WDR7: variants seen among roughly 807,000 people sequenced by gnomAD.
WDR7 encodes WD repeat domain 7, also known as WD repeat-containing protein 7.
In WDR7, 46 loss-of-function variants were observed where a neutral mutation model predicts 169.4. That is an observed-to-expected ratio of 0.27 (90% confidence interval 0.21 to 0.35). WDR7 has a LOEUF of 0.35. WDR7 is among the 10% of genes least tolerant of loss of function. The pLI is 1.00. For missense variants in WDR7, 1,534 were observed against 1,859.3 expected (o/e 0.83, Z 3.22); for synonymous variants, 612 against 666.8 (o/e 0.92, Z 1.27).
chr18:56,835,402 C>T (rs1400288065), intron 20 of WDR7, among the ~76,000 whole-genome samples: 1 of 152,076 alleles, frequency 6.6e-6, no homozygotes, highest in East Asian at 1.9e-4. Flanking sequence ...AGTATTGTAC[C>T]TAACTTATAA....
intron 25 of WDR7, among the ~76,000 whole-genome samples, chr18:56,954,293 C>G (rs184774110): frequency 1.3e-5 from 2 of 152,294 alleles, no homozygotes; most frequent in Admixed American, 1.3e-4. Context: ...TATTAAAACA[C>G]TCATTCACTT....
At chr18:56,732,053 T>G (rs2026599335) in intron 14 of WDR7, among the ~76,000 whole-genome samples, 2 of 152,228 alleles carry the variant, frequency 1.3e-5, no homozygotes, top group African/African-American at 4.8e-5. Context: ...AGAAAATGTT[T>G]CAGAATACGT....
intron 26 of WDR7, among the ~76,000 whole-genome samples, chr18:56,971,142 G>A (rs958524330): frequency 6.6e-6 from 1 of 151,912 alleles, no homozygotes; most frequent in Non-Finnish European, 1.5e-5. Flanking sequence ...CATGGTGATA[G>A]GTGCCTGTAA....
chr18:56,994,732 C>G (rs916623899), intron 26 of WDR7, among the ~76,000 whole-genome samples: 6 of 152,170 alleles, frequency 3.9e-5, no homozygotes, highest in African/African-American at 1.4e-4. Flanking sequence ...CTGTAGTGAT[C>G]ATTATGGGAA....
chr18:57,019,499 C>T (rs943856719), intron 26 of WDR7, among the ~76,000 whole-genome samples: 3 of 152,092 alleles, frequency 2.0e-5, no homozygotes, highest in Admixed American at 6.6e-5. Context: ...TGCCCAGAGC[C>T]CAGTTCTATA....
At chr18:56,715,668 A>C (rs2026176300) in intron 12 of WDR7, among the ~76,000 whole-genome samples, 1 of 152,088 alleles carries the variant, frequency 6.6e-6, no homozygotes, top group Admixed American at 6.5e-5. Context: ...TCTATTAAAT[A>C]TTATAGATAT....
intron 27 of WDR7, among the ~76,000 whole-genome samples, chr18:57,022,388 A>G (rs7226903): frequency 0.33 from 50,656 of 152,056 alleles, 9,228 homozygotes; most frequent in East Asian, 0.81. Flanking sequence ...TCTGAGTGGT[A>G]GGTACTGGCC....
At chr18:56,765,998 C>T (rs2044060137) in intron 16 of WDR7, among the ~76,000 whole-genome samples, 1 of 148,326 alleles carries the variant, frequency 6.7e-6, no homozygotes, top group Non-Finnish European at 1.5e-5. Context: ...TTGAAAACAT[C>T]TTTGTTTGTC....
chr18:57,003,131 G>A (rs1356239331), intron 26 of WDR7, among the ~76,000 whole-genome samples: 1 of 152,140 alleles, frequency 6.6e-6, no homozygotes, highest in Non-Finnish European at 1.5e-5. Flanking sequence ...GCATTTGTGA[G>A]ATGCATTAGT....
At chr18:56,704,425 G>A (rs1216914630) in intron 12 of WDR7, among the ~76,000 whole-genome samples, 1 of 150,888 alleles carries the variant, frequency 6.6e-6, no homozygotes, top group Non-Finnish European at 1.5e-5. Context: ...TATAGTTCTA[G>A]CTACTTGGGA....
At chr18:56,970,674 A>G (rs2047471437) in intron 26 of WDR7, among the ~76,000 whole-genome samples, 1 of 152,076 alleles carries the variant, frequency 6.6e-6, no homozygotes. Flanking sequence ...ATACTGACAC[A>G]TTGTCACCAG....
chr18:56,817,076 G>T (rs1244703548), intron 20 of WDR7, among the ~76,000 whole-genome samples: 1 of 152,082 alleles, frequency 6.6e-6, no homozygotes, highest in Non-Finnish European at 1.5e-5. Flanking sequence ...TGGACACAGT[G>T]GCTCACACCT....
At chr18:56,935,743 C>T (rs1373585291) in intron 22 of WDR7, 45 bp from the exon 23 acceptor site, 3 of 1,567,966 alleles carry the variant, frequency 1.9e-6, no homozygotes, top group Non-Finnish European at 2.6e-6. Flanking sequence ...GTCCATATTT[C>T]TAATGCTTCT....
At chr18:56,742,734 G>A (rs1264023759) in intron 14 of WDR7, among the ~76,000 whole-genome samples, 1 of 152,150 alleles carries the variant, frequency 6.6e-6, no homozygotes, top group Non-Finnish European at 1.5e-5. Flanking sequence ...TCTTGGAGGA[G>A]GTGACATTCA....
chr18:56,806,756 G>A (rs1197540270), intron 19 of WDR7, among the ~76,000 whole-genome samples: 1 of 152,120 alleles, frequency 6.6e-6, no homozygotes, highest in Non-Finnish European at 1.5e-5. Context: ...GTACTTTTGT[G>A]TCTCTAATCT....
At chr18:56,855,516 A>G (rs1301435709) in intron 20 of WDR7, among the ~76,000 whole-genome samples, 1 of 152,198 alleles carries the variant, frequency 6.6e-6, no homozygotes, top group East Asian at 1.9e-4. Flanking sequence ...TCCTACAGAC[A>G]TAAAAGCTGT....
chr18:56,900,566 G>A (rs2046388661), intron 21 of WDR7, among the ~76,000 whole-genome samples: 2 of 152,196 alleles, frequency 1.3e-5, no homozygotes, highest in Admixed American at 1.3e-4. Context: ...CTAGGGTGCG[G>A]AAGAGTGGAT....
Position 56,694,750 on chromosome 18 carries a change from A to G in WDR7, c.1098A>G (p.Gly366=). 6.2e-7 allele frequency: 1 copy of G among 1,609,060 alleles called. No individual in the cohort carries two copies. Among genetic ancestry groups the G allele is most frequent in the Non-Finnish European group, 8.5e-7 (1 of 1,178,260 alleles). Residue 366 remains glycine (G), a synonymous_variant, in exon 10 of 28, where the codon GGA becomes GGG. Transcript: ENST00000254442. ...TATCAGACACAGCTGATAAACAGGGAAGTGAAGAAGGTAATAGTAAATCAT... is the reference window on the plus strand; with the variant it reads ...TATCAGACACAGCTGATAAACAGGGGAGTGAAGAAGGTAATAGTAAATCAT... ...WNISDTADKQ[G]SEEGLAMTTS...
intron 13 of WDR7, among the ~76,000 whole-genome samples, chr18:56,722,851 A>G (rs962742456): frequency 2.6e-5 from 4 of 152,076 alleles, no homozygotes; most frequent in Admixed American, 6.6e-5. Context: ...ATTTATGGCC[A>G]TATTTTTCCA....
Sources: allele counts gnomAD v4.1 joint callset (sites outside exome capture counted in the v4.1 genomes callset), GRCh38; gene constraint gnomAD v4.1.1; transcripts MANE v1.5; gene names NCBI Gene and HGNC (gene_info 2026-07-23, HGNC 2026-07-21).